The following AKT3 variants were observed in gnomAD, a reference collection of about 807,000 sequenced individuals.
AKT3 encodes the protein RAC-gamma serine/threonine-protein kinase.
Under a neutral mutation model 65.3 loss-of-function variants are expected in AKT3, and 15 were observed. The ratio of observed to expected loss-of-function variants is 0.23; its 90% confidence interval spans 0.15 to 0.35. The LOEUF is 0.35. AKT3 is among the 10% of genes least tolerant of loss of function. The probability of loss-of-function intolerance (pLI) is 1.00; values close to 1 mark genes in which losing one functional copy is unlikely to be tolerated. For synonymous variants in AKT3, 206 were observed against 183.8 expected (o/e 1.12, Z -0.98); for missense variants, 243 against 576.5 (o/e 0.42, Z 5.92).
intron 2 of AKT3, among the ~76,000 whole-genome samples, chr1:243,701,665 C>CTAAA (rs1685468752): frequency 8.0e-6 from 1 of 124,962 alleles, no homozygotes; most frequent in Non-Finnish European, 1.6e-5. Context: ...AGAAAAAATG[C>CTAAA]AAAAAAAAAA....
chr1:243,794,378 TC>T (rs773952918), intron 2 of AKT3: 1 of 152,232 alleles, frequency 6.6e-6, no homozygotes, highest in Non-Finnish European at 1.5e-5. Flanking sequence ...TGATTAGGTT[TC>T]CCTGGGAACT....
chr1:243,737,687 G>A (rs958069771), intron 2 of AKT3, among the ~76,000 whole-genome samples: 1 of 152,082 alleles, frequency 6.6e-6, no homozygotes, highest in Non-Finnish European at 1.5e-5. Flanking sequence ...TTCCTCTTGA[G>A]CCAAAAATTC....
At chr1:243,728,242 T>C (rs757804427) in intron 2 of AKT3, among the ~76,000 whole-genome samples, 5 of 152,196 alleles carry the variant, frequency 3.3e-5, no homozygotes, top group Admixed American at 6.5e-5. Flanking sequence ...ATGGTCATCA[T>C]CCAATTTTAA....
In AKT3 at chr1:243,692,642, G is replaced by A. The variant is rs529895092; in HGVS notation, c.172+2949C>T. ...GATCCCAGCTACTTGGGAGGCTGAG[G>A]CAGGAGAATCACTTGAACCCGGAAG... On this transcript the variant is annotated intron_variant, in intron 3 of 13. Transcript: ENST00000673466. 3.9e-5 allele frequency among the ~76,000 whole-genome samples: 6 copies of A among 152,218 alleles called. No homozygotes were observed. The East Asian group carries it at 1.2e-3, about 29-fold the overall frequency.
At chr1:243,554,377 T>C (rs766169566) in intron 10 of AKT3, among the ~76,000 whole-genome samples, 19 of 152,174 alleles carry the variant, frequency 1.2e-4, no homozygotes, top group Non-Finnish European at 2.6e-4. Context: ...AGAAATGTTT[T>C]GTAAATCACA....
chr1:243,842,046 G>A (rs1015063661), intron 2 of AKT3, among the ~76,000 whole-genome samples: 7 of 152,036 alleles, frequency 4.6e-5, no homozygotes, highest in African/African-American at 1.7e-4. Context: ...GAACCTCTCG[G>A]GTTAATGAAA....
intron 12 of AKT3, among the ~76,000 whole-genome samples, chr1:243,518,971 GGAA>G (rs1341152576): frequency 6.6e-6 from 1 of 152,178 alleles, no homozygotes; most frequent in Non-Finnish European, 1.5e-5. Flanking sequence ...AAGCTTGGGT[GGAA>G]GAATGATTAA....
intron 8 of AKT3, among the ~76,000 whole-genome samples, chr1:243,600,487 C>G (rs995876143): frequency 5.9e-5 from 9 of 152,064 alleles, no homozygotes; most frequent in South Asian, 2.1e-4. Context: ...CAACAGAATG[C>G]AGAGTCCAGA....
At chr1:243,557,295 G>C (rs1024829368) in intron 10 of AKT3, among the ~76,000 whole-genome samples, 1 of 152,052 alleles carries the variant, frequency 6.6e-6, no homozygotes, top group African/African-American at 2.4e-5. Flanking sequence ...GTAATCACCA[G>C]TGTTTCCAGT....
Position 243,525,580 on chromosome 1 carries a change from C to A in AKT3, c.1252-13154G>T, listed in dbSNP as rs1190812426. ...TTAGGAAAAGGACCAAATGGAAAAA[C>A]CTAAAATAAAAAAAAATAAAATATC... On this transcript the variant is annotated intron_variant, in intron 12 of 13. Coordinates refer to ENST00000673466, the MANE Select transcript of AKT3 (RefSeq NM_005465.7). Among the ~76,000 whole-genome samples, 3 of 148,958 alleles carry A rather than the reference C, an allele frequency of 2.0e-5. No homozygotes were observed. The South Asian group carries it at 6.4e-4, about 32-fold the overall frequency.
intron 6 of AKT3, among the ~76,000 whole-genome samples, chr1:243,616,755 CA>C (rs1678357204): frequency 6.6e-6 from 1 of 152,086 alleles, no homozygotes; most frequent in Non-Finnish European, 1.5e-5. Context: ...CTAGATTAAT[CA>C]AAGAAGCTAA....
At chr1:243,798,346 C>T (rs191410016) in intron 2 of AKT3, among the ~76,000 whole-genome samples, 4 of 147,982 alleles carry the variant, frequency 2.7e-5, no homozygotes. Context: ...TGATCTCCCA[C>T]ATAGCTGGGA....
chr1:243,715,858 T>C (rs962172597), intron 2 of AKT3, among the ~76,000 whole-genome samples: 4 of 152,092 alleles, frequency 2.6e-5, no homozygotes, highest in Middle Eastern at 3.2e-3. Context: ...GTGTGTACAC[T>C]GAATACTCCA....
At chr1:243,567,438 C>T (rs1370819608) in intron 9 of AKT3, among the ~76,000 whole-genome samples, 1 of 151,270 alleles carries the variant, frequency 6.6e-6, no homozygotes, top group Non-Finnish European at 1.5e-5. Context: ...CTCCTAAGTA[C>T]ACAGGCGCAC....
At chr1:243,543,835 G>A (rs978471326) in intron 12 of AKT3, among the ~76,000 whole-genome samples, 2 of 152,176 alleles carry the variant, frequency 1.3e-5, no homozygotes, top group Non-Finnish European at 2.9e-5. Flanking sequence ...GAGTTGAATC[G>A]AGTAGAGGTG....
At chr1:243,849,675 G>A (rs1229041684) in intron 1 of AKT3, among the ~76,000 whole-genome samples, 1 of 151,180 alleles carries the variant, frequency 6.6e-6, no homozygotes, top group African/African-American at 2.4e-5. Flanking sequence ...GGGAAGGAGC[G>A]AGAGTTGCGC....
chr1:243,532,975 CT>C (rs889686670), intron 12 of AKT3, among the ~76,000 whole-genome samples: 10 of 152,300 alleles, frequency 6.6e-5, no homozygotes, highest in African/African-American at 2.2e-4. Flanking sequence ...CTTTCTATTT[CT>C]CTCAAGTCAG....
intron 13 of AKT3, among the ~76,000 whole-genome samples, chr1:243,507,405 G>C (rs973944388): frequency 1.3e-5 from 2 of 152,172 alleles, no homozygotes; most frequent in Non-Finnish European, 2.9e-5. Flanking sequence ...CCCAATCCTT[G>C]ATATTCTTTA....
chr1:243,617,197 G>A (rs1022544401), intron 6 of AKT3, among the ~76,000 whole-genome samples: 2 of 126,434 alleles, frequency 1.6e-5, no homozygotes, highest in Non-Finnish European at 3.1e-5. Context: ...TATCTTCTGG[G>A]TATTCGTCTG....
Sources: gnomAD v4.1 joint callset for allele counts (sites outside exome capture counted in the v4.1 genomes callset) on GRCh38, gnomAD v4.1.1 for gene constraint, MANE v1.5 for transcripts, NCBI Gene and HGNC (gene_info 2026-07-23, HGNC 2026-07-21) for gene names.